Variants in MPHOSPH8 observed in about 807,000 individuals in gnomAD.
MPHOSPH8 encodes the protein M-phase phosphoprotein, mpp.
A neutral mutation model predicts 87.3 loss-of-function variants in MPHOSPH8; 45 were observed. The ratio of observed to expected loss-of-function variants is 0.52; its 90% CI spans 0.41 to 0.66. The LOEUF (loss-of-function observed/expected upper bound fraction) is 0.66, where lower values mean the gene tolerates loss of function less well. Among genes scored for constraint, MPHOSPH8 ranks in the 30% least tolerant of loss-of-function variants. MPHOSPH8 has a pLI of 0.00. For missense variants in MPHOSPH8, 883 were observed against 1,020.2 expected (o/e 0.87, Z 1.83); for synonymous variants, 366 against 376.9 (o/e 0.97, Z 0.33).
chr13:19,665,678 C>T (rs1345264217), intron 9 of MPHOSPH8, among the ~76,000 whole-genome samples: 2 of 152,236 alleles, frequency 1.3e-5, no homozygotes, highest in African/African-American at 4.8e-5. Context: ...GCCACCGCTC[C>T]TGGAGGCTGC....
chr13:19,667,880 G>A (rs184779556), intron 10 of MPHOSPH8, among the ~76,000 whole-genome samples: 13 of 152,166 alleles, frequency 8.5e-5, no homozygotes, highest in East Asian at 5.8e-4. Context: ...AGACAGTAGC[G>A]AACTCAAGGC....
chr13:19,661,066 T>C, intron 7 of MPHOSPH8: 2 of 569,112 alleles, frequency 3.5e-6, no homozygotes. Context: ...GAGACCAGCC[T>C]GGGCTGACAT....
Position 19,661,850 on chromosome 13 carries a change from C to T in MPHOSPH8, c.1932+12C>T, listed in dbSNP as rs770344634. The T allele has an allele frequency of 1.3e-6, 2 of 1,597,042 alleles. No homozygotes were observed. The highest frequency in any genetic ancestry group is 8.5e-7 in the Non-Finnish European group (1 of 1,170,468). On this transcript the variant is annotated intron_variant, in intron 8 of 13. Transcript: ENST00000361479. Reference sequence around the variant, plus strand: ...ATGCTGCAGAGAAGGTTTGTGGCTTCTTATGCATCAGTTTCAGAGCTTTCA... The same window carrying T: ...ATGCTGCAGAGAAGGTTTGTGGCTTTTTATGCATCAGTTTCAGAGCTTTCA...
chr13:19,669,193 G>A (rs968688867), intron 11 of MPHOSPH8, among the ~76,000 whole-genome samples: 1 of 152,152 alleles, frequency 6.6e-6, no homozygotes, highest in Non-Finnish European at 1.5e-5. Context: ...GGTGGTTGCT[G>A]TTGTTTTGAG....
In MPHOSPH8 at chr13:19,673,087, G is replaced by T. The variant is rs889036614; in HGVS notation, c.*1212G>T. The stretch of plus-strand genomic sequence containing the variant: ...AAAAAAAGTTTCTTGGAACCTATAC[G>T]GTTTTTTTTTGTTTTTTTTTTTTGA... On this transcript the variant is annotated 3_prime_UTR_variant, in exon 14 of 14. Coordinates refer to ENST00000361479, the MANE Select transcript of MPHOSPH8 (RefSeq NM_017520.4). 9.5e-5 allele frequency: 5 copies of T among 52,588 alleles called. No homozygotes were observed. The highest frequency in any genetic ancestry group is 5.6e-4 in the Admixed American group (2 of 3,550). 3.3% of individuals were successfully genotyped at this position (52,588 alleles called of 1,614,324 possible). A position where few individuals can be genotyped will look rare whatever the true frequency, so the allele number is the denominator to read the frequency against.
At chr13:19,661,871 T>C (rs750658755) in intron 8 of MPHOSPH8, 33 bp downstream of exon 8, 1 of 1,572,638 alleles carries the variant, frequency 6.4e-7, no homozygotes, top group Middle Eastern at 1.7e-4. Context: ...GTTTCAGAGC[T>C]TTCATGGTAT....
At chr13:19,645,641 A>G (rs947429737) in intron 2 of MPHOSPH8, among the ~76,000 whole-genome samples, 1 of 151,668 alleles carries the variant, frequency 6.6e-6, no homozygotes, top group Non-Finnish European at 1.5e-5. Context: ...CTCTAATCCC[A>G]GCTATTCGTG....
intron 3 of MPHOSPH8, among the ~76,000 whole-genome samples, chr13:19,648,181 T>G (rs1338964146): frequency 6.6e-6 from 1 of 151,870 alleles, no homozygotes; most frequent in Non-Finnish European, 1.5e-5. Context: ...ATAATAAAAT[T>G]CCTAAAAGAG....
In MPHOSPH8 at chr13:19,671,304, T is replaced by G. The variant is rs1173128862; in HGVS notation, c.2541+15T>G. ...CCTCTGCCAAGGTGACAGTCCTTTC[T>G]TCACATTTAGTGTCACTACTCAAGT... is the stretch of plus-strand genomic sequence containing the variant. On this transcript the variant is annotated intron_variant, in intron 13 of 13. Transcript: ENST00000361479. 4 of 1,599,740 alleles carry G rather than the reference T, an allele frequency of 2.5e-6. No individual in the cohort carries two copies. In the South Asian group the frequency reaches 4.4e-5, roughly 18 times the overall value.
chr13:19,635,332 A>T (rs1201282704), intron 1 of MPHOSPH8, among the ~76,000 whole-genome samples: 1 of 152,202 alleles, frequency 6.6e-6, no homozygotes, highest in Admixed American at 6.5e-5. Context: ...CAGCCTGGCC[A>T]ACATGGTGAA....
intron 5 of MPHOSPH8, among the ~76,000 whole-genome samples, chr13:19,655,950 A>G (rs1875139510): frequency 6.6e-6 from 1 of 151,950 alleles, no homozygotes; most frequent in Non-Finnish European, 1.5e-5. Flanking sequence ...CCACTTCTAC[A>G]AAAAATACAA....
At chr13:19,662,299 C>G (rs1470638050) in intron 8 of MPHOSPH8, among the ~76,000 whole-genome samples, 2 of 152,120 alleles carry the variant, frequency 1.3e-5, no homozygotes, top group African/African-American at 4.8e-5. Context: ...CACTCTGTCA[C>G]ACAGGTTGGA....
chr13:19,633,827 G>A lies in MPHOSPH8; in HGVS notation c.79G>A (p.Val27Ile), dbSNP rs1235532323. 4 of 1,610,476 alleles carry A rather than the reference G, an allele frequency of 2.5e-6. No individual in the cohort carries two copies. The highest frequency in any genetic ancestry group is 2.2e-5 in the East Asian group (1 of 44,810). The change falls in exon 1 of 14, where the codon GTC (valine) becomes ATC (isoleucine). Residue 27 changes from valine (V) to isoleucine (I), a missense_variant. By Grantham distance (29) the Val-to-Ile change is conservative (BLOSUM62 3). Transcript: ENST00000361479. ...AADSTEELAEVEEGVGVVGED... is the reference protein window; with the variant it reads ...AADSTEELAEIEEGVGVVGED... ...CGACAGCACTGAGGAGTTGGCCGAA[G>A]TCGAAGAAGGAGTTGGAGTAGTGGG...
In MPHOSPH8 at chr13:19,673,147, A is replaced by C. The variant is rs1876249647; in HGVS notation, c.*1272A>C. 2.2e-6 allele frequency: 1 copy of C among 452,236 alleles called. No individual in the cohort carries two copies. Among genetic ancestry groups the C allele is most frequent in the Admixed American group, 2.4e-5 (1 of 41,942 alleles). 28.0% of individuals were successfully genotyped at this position (452,236 alleles called of 1,614,324 possible). A position where few individuals can be genotyped will look rare whatever the true frequency, so the allele number is the denominator to read the frequency against. The stretch of plus-strand genomic sequence containing the variant: ...CCTTGTGCCCTTGTTTTGAACACCG[A>C]CTGGGAAGATGGGGCTTAGGTAACA... On this transcript the variant is annotated 3_prime_UTR_variant, in exon 14 of 14. Transcript: ENST00000361479.
rs1400388738 is a variant in MPHOSPH8 at position 19,673,145 on chromosome 13, C to T, written c.*1270C>T. 4 of 453,002 alleles carry T rather than the reference C, an allele frequency of 8.8e-6. No individual in the cohort carries two copies. Among genetic ancestry groups the T allele is most frequent in the Admixed American group, 4.8e-5 (2 of 41,908 alleles). The allele number at this position is 453,002 out of a possible 1,614,324, so 28.1% of individuals were successfully genotyped here. ...GACCTTGTGCCCTTGTTTTGAACAC[C>T]GACTGGGAAGATGGGGCTTAGGTAA... On this transcript the variant is annotated 3_prime_UTR_variant, in exon 14 of 14. Transcript: ENST00000361479.
chr13:19,661,981 G>T, intron 8 of MPHOSPH8, 143 bp downstream of exon 8: 4 of 1,123,624 alleles, frequency 3.6e-6, no homozygotes, highest in Middle Eastern at 3.3e-4. Flanking sequence ...TCGCTCTGTC[G>T]CCGAGGCTGG....
chr13:19,673,156 A>T lies in MPHOSPH8; in HGVS notation c.*1281A>T. ...CTTGTTTTGAACACCGACTGGGAAG[A>T]TGGGGCTTAGGTAACAGCCAAACCT... On this transcript the variant is annotated 3_prime_UTR_variant, in exon 14 of 14. Transcript: ENST00000361479. 1 of 453,406 alleles carries T rather than the reference A, an allele frequency of 2.2e-6. No individual in the cohort carries two copies. The highest frequency in any genetic ancestry group is 4.4e-6 in the Non-Finnish European group (1 of 226,418). 28.1% of individuals were successfully genotyped at this position (453,406 alleles called of 1,614,324 possible).
intron 12 of MPHOSPH8, chr13:19,670,888 C>T (rs1876086969): frequency 9.7e-7 from 1 of 1,028,568 alleles, no homozygotes; most frequent in East Asian, 5.0e-5. Context: ...GCGCGGATTA[C>T]AGCTCACTGG....
chr13:19,642,296 T>C (rs757130159), intron 2 of MPHOSPH8, 26 bp downstream of exon 2: 1 of 1,528,454 alleles, frequency 6.5e-7, no homozygotes, highest in East Asian at 2.4e-5. Flanking sequence ...TCATATTTGT[T>C]TTTACATACA....
Sources: allele counts gnomAD v4.1 joint callset (sites outside exome capture counted in the v4.1 genomes callset), GRCh38; gene constraint gnomAD v4.1.1; transcripts MANE v1.5; gene names NCBI Gene and HGNC (gene_info 2026-07-23, HGNC 2026-07-21).